TIMP2: variants seen among roughly 807,000 people sequenced by gnomAD.
The protein encoded by TIMP2 is TIMP metallopeptidase inhibitor 2.
In TIMP2, 5 loss-of-function variants were observed where a neutral mutation model predicts 24.3. The ratio of observed to expected loss-of-function variants is 0.21; its 90% CI spans 0.11 to 0.43. The LOEUF (loss-of-function observed/expected upper bound fraction) is 0.43. TIMP2 is among the 20% of genes least tolerant of loss of function. The probability of loss-of-function intolerance (pLI) is 1.00; values close to 1 mark genes in which losing one functional copy is unlikely to be tolerated. For synonymous variants in TIMP2, 130 were observed against 123.2 expected, an observed-to-expected ratio of 1.06 and a Z score of -0.37; for missense variants, 221 against 297.5, an observed-to-expected ratio of 0.74 and a Z score of 1.89.
At chr17:78,888,047 T>C (rs1469836061) in intron 1 of TIMP2, among the ~76,000 whole-genome samples, 5 of 152,184 alleles carry the variant, frequency 3.3e-5, no homozygotes. Flanking sequence ...ATATCCTTTT[T>C]ATAAAGTTCA....
At chr17:78,885,669 T>TGGGTGTGAGGGGTGTGAG (rs567510999) in intron 1 of TIMP2, among the ~76,000 whole-genome samples, 2 of 151,936 alleles carry the variant, frequency 1.3e-5, no homozygotes. Flanking sequence ...TGCTGGAAGC[T>TGGGTGTGAGGGGTGTGAG]GGGTGTGAGG....
At chr17:78,884,441 T>C (rs1327393438) in intron 1 of TIMP2, among the ~76,000 whole-genome samples, 2 of 152,224 alleles carry the variant, frequency 1.3e-5, no homozygotes, top group African/African-American at 4.8e-5. Context: ...GCCTGTGGGC[T>C]GAGCCTGACT....
chr17:78,905,430 A>ACGGAC (rs1242921119), intron 1 of TIMP2, among the ~76,000 whole-genome samples: 1 of 152,222 alleles, frequency 6.6e-6, no homozygotes, highest in Non-Finnish European at 1.5e-5. Flanking sequence ...AAACCCTAAT[A>ACGGAC]CGGACCCATA....
chr17:78,870,611 T>C (rs969378526), intron 3 of TIMP2, among the ~76,000 whole-genome samples: 1 of 152,162 alleles, frequency 6.6e-6, no homozygotes, highest in Non-Finnish European at 1.5e-5. Flanking sequence ...TTCTCTGCCC[T>C]GCATGTCTCC....
chr17:78,892,613 C>T, intron 1 of TIMP2: 1 of 1,150,550 alleles, frequency 8.7e-7, no homozygotes, highest in Non-Finnish European at 1.2e-6. Context: ...AGGGCCCACT[C>T]TCAGCCTCCC....
At chr17:78,901,684 G>A (rs2070095613) in intron 1 of TIMP2, 4 of 715,398 alleles carry the variant, frequency 5.6e-6, no homozygotes, top group Admixed American at 2.0e-5. Context: ...TTGCTCTTTA[G>A]GATGGGGATG....
intron 1 of TIMP2, among the ~76,000 whole-genome samples, chr17:78,905,828 A>C (rs911893265): frequency 6.6e-6 from 1 of 152,242 alleles, no homozygotes; most frequent in African/African-American, 2.4e-5. Flanking sequence ...TGTTGACTGC[A>C]ATTAGAACCA....
At chr17:78,913,518 C>G (rs768981687) in intron 1 of TIMP2, among the ~76,000 whole-genome samples, 12 of 152,240 alleles carry the variant, frequency 7.9e-5, no homozygotes, top group Non-Finnish European at 1.2e-4. Flanking sequence ...CAAGACCAGA[C>G]TGGGCAACGT....
Position 78,891,611 on chromosome 17 carries a change from C to T in TIMP2, c.131-17692G>A. The T allele has an allele frequency of 8.4e-6, 13 of 1,550,918 alleles. No individual in the cohort carries two copies. The highest frequency in any genetic ancestry group is 1.1e-5 in the Non-Finnish European group (13 of 1,147,062). On this transcript the variant is annotated intron_variant, in intron 1 of 4. Coordinates refer to ENST00000262768, the MANE Select transcript of TIMP2 (RefSeq NM_003255.5). The surrounding 1 kb of genome is among the most constrained non-coding windows in gnomAD (Gnocchi z 4.5). ...TCTCAGCTTCCCCTCCAGACTCTGT[C>T]CCTGAGAGCGACTGGTCAGGGCTGG...
At chr17:78,892,609 C>A (rs1487834031) in intron 1 of TIMP2, 60 of 1,196,664 alleles carry the variant, frequency 5.0e-5, no homozygotes, top group Middle Eastern at 5.8e-4. Context: ...CACCAGGGCC[C>A]ACTCTCAGCC....
rs113110593 is a variant in TIMP2 at position 78,919,042 on chromosome 17, A to G, written c.130+5917T>C. 1.4e-3 allele frequency among the ~76,000 whole-genome samples: 220 copies of G among 152,320 alleles called. 1 individual carries two copies. Among genetic ancestry groups the G allele is most frequent in the East Asian group, 8.3e-3 (43 of 5,186 alleles). On this transcript the variant is annotated intron_variant, in intron 1 of 4. Transcript: ENST00000262768. ...TGAATCCATATGCTAACTATTCATA[A>G]CATTCTTAGCACCGAGGCTGTACTG...
intron 2 of TIMP2, among the ~76,000 whole-genome samples, chr17:78,872,243 G>A (rs935130137): frequency 6.6e-6 from 1 of 151,276 alleles, no homozygotes; most frequent in Non-Finnish European, 1.5e-5. Flanking sequence ...CTCCTGCCTC[G>A]GCCTCCCAAA....
rs988815939 is a variant in TIMP2, at chr17:78,908,139, A to G, written c.130+16820T>C. Among the ~76,000 whole-genome samples, 16 of 152,170 alleles carry G rather than the reference A, an allele frequency of 1.1e-4. 1 individual carries two copies. ...GACAAAGCGAGACACTGTCTCAAAA[A>G]CAAAAAAGAAAAGAAAAAGCTATAC... On this transcript the variant is annotated intron_variant, in intron 1 of 4. Coordinates refer to ENST00000262768, the MANE Select transcript of TIMP2 (RefSeq NM_003255.5).
At chr17:78,890,495 T>G (rs1439761481) in intron 1 of TIMP2, 5 of 991,946 alleles carry the variant, frequency 5.0e-6, no homozygotes, top group Non-Finnish European at 5.7e-6. Context: ...CGTGCGCCAC[T>G]GCACCCGGCC....
rs567166906 is a variant in TIMP2 at position 78,881,881 on chromosome 17, G to A, written c.131-7962C>T. On this transcript the variant is annotated intron_variant, in intron 1 of 4. Transcript: ENST00000262768. ...CTAACATCTGTAACTATAACTTGGCGTTGCCATTGGGGATGAGAGTCTCTT... is the reference window on the plus strand; with the variant it reads ...CTAACATCTGTAACTATAACTTGGCATTGCCATTGGGGATGAGAGTCTCTT... Among the ~76,000 whole-genome samples the A allele has an allele frequency of 1.2e-4, 18 of 152,346 alleles. No homozygotes were observed. In the South Asian group the frequency reaches 1.7e-3, roughly 14 times the overall value.
chr17:78,873,391 C>A (rs3786143), intron 2 of TIMP2, among the ~76,000 whole-genome samples: 91,505 of 150,568 alleles, frequency 0.61, 28,838 homozygotes, highest in Admixed American at 0.71. Flanking sequence ...ACCTCTGCCT[C>A]CTGGGCTTAA....
chr17:78,892,224 G>A, intron 1 of TIMP2: 3 of 1,551,050 alleles, frequency 1.9e-6, no homozygotes, highest in Non-Finnish European at 2.6e-6. Context: ...GCTCTTCTCT[G>A]CAGAGCGAGA....
At chr17:78,884,682 G>C (rs548396949) in intron 1 of TIMP2, among the ~76,000 whole-genome samples, 13 of 152,202 alleles carry the variant, frequency 8.5e-5, no homozygotes, top group Middle Eastern at 6.8e-3. Context: ...CCAGCTGGAG[G>C]ACTTGGCCTG....
intron 1 of TIMP2, among the ~76,000 whole-genome samples, chr17:78,879,943 C>A (rs2069764334): frequency 6.6e-6 from 1 of 151,944 alleles, no homozygotes; most frequent in Non-Finnish European, 1.5e-5. Context: ...GGCGGAAAAC[C>A]AAGGTCGCGG....
Sources: gnomAD v4.1 joint callset for allele counts (sites outside exome capture counted in the v4.1 genomes callset) on GRCh38, gnomAD v4.1.1 for gene constraint, Gnocchi (gnomAD v3.1) non-coding constraint, MANE v1.5 for transcripts, NCBI Gene and HGNC (gene_info 2026-07-23, HGNC 2026-07-21) for gene names.